The following ANKDD1A variants were observed in gnomAD, a reference collection of about 807,000 sequenced individuals.
ANKDD1A encodes ankyrin repeat and death domain-containing protein 1A.
In ANKDD1A, 59 loss-of-function variants were observed where a neutral mutation model predicts 63.5. That is an observed-to-expected ratio of 0.93 (90% CI 0.75 to 1.15). The LOEUF (loss-of-function observed/expected upper bound fraction) is 1.15, where lower values mean the gene tolerates loss of function less well. Ranked by LOEUF, ANKDD1A falls within the 50% of genes most tolerant of loss-of-function variation. The pLI is 0.00. For missense variants in ANKDD1A, 632 were observed against 656.4 expected (o/e 0.96, Z 0.41); for synonymous variants, 266 against 263.9 (o/e 1.01, Z -0.08).
At chr15:64,950,811 C>T (rs368960117) in intron 14 of ANKDD1A, 113 of 1,045,178 alleles carry the variant, frequency 1.1e-4, no homozygotes, top group Non-Finnish European at 1.2e-4. Context: ...AGATTAGGGA[C>T]GCTACCTTTC....
At chr15:64,930,989 C>T (rs1330666048) in intron 7 of ANKDD1A, 69 bp downstream of exon 7, 1 of 1,503,664 alleles carries the variant, frequency 6.7e-7, no homozygotes, top group Non-Finnish European at 9.0e-7. Context: ...GGAACCCCCA[C>T]CAGTCCATGG....
intron 14 of ANKDD1A, chr15:64,950,951 C>T: frequency 2.4e-6 from 3 of 1,270,298 alleles, no homozygotes; most frequent in Non-Finnish European, 3.1e-6. Flanking sequence ...TTGTTTTTAA[C>T]AGAAAATATC....
At chr15:64,949,798 T>C in intron 13 of ANKDD1A, 43 bp from the exon 14 acceptor site, 1 of 1,592,016 alleles carries the variant, frequency 6.3e-7, no homozygotes, top group Non-Finnish European at 8.5e-7. Context: ...AGTGGCCCCA[T>C]TGGCTCCTTC....
Position 64,915,833 on chromosome 15 carries a change from G to T in ANKDD1A, c.71G>T (p.Arg24Leu). The change falls in exon 2 of 15, where the codon CGC becomes CTC. Residue 24 changes from arginine (R) to leucine (L), a missense_variant. Coordinates refer to ENST00000319580, the MANE Select transcript of ANKDD1A (RefSeq NM_182703.6). Reference protein sequence around the residue: ...PLERQLHEAARQNNVGRMQEL... With the variant: ...PLERQLHEAALQNNVGRMQEL... ...GAGAGGCAGCTCCACGAGGCCGCCCGCCAGAACAATGTCGGCAGGATGCAG... is the reference window on the plus strand; with the variant it reads ...GAGAGGCAGCTCCACGAGGCCGCCCTCCAGAACAATGTCGGCAGGATGCAG... 6.2e-7 allele frequency: 1 copy of T among 1,614,022 alleles called. No homozygotes were observed.
In ANKDD1A at chr15:64,954,402, TTCC is replaced by T. The variant is rs574410743; in HGVS notation, c.1484-2698_1484-2696del. 4.5e-3 allele frequency among the ~76,000 whole-genome samples: 679 copies of T among 149,710 alleles called. 2 individuals carry two copies. The highest frequency in any genetic ancestry group is 7.1e-3 in the Non-Finnish European group (482 of 67,462). Reference sequence around the variant, plus strand: ...TTCTTTTCTTCTTCTTTCTTCTTCCTTCCTCTTCTTCCTCCTCTCCTCCTTCGT... The same window carrying T: ...TTCTTTTCTTCTTCTTTCTTCTTCCTTCTTCTTCCTCCTCTCCTCCTTCGT... On this transcript the variant is annotated intron_variant, in intron 14 of 14. Transcript: ENST00000319580.
At chr15:64,916,695 G>A (rs1206616515) in intron 2 of ANKDD1A, among the ~76,000 whole-genome samples, 4 of 152,220 alleles carry the variant, frequency 2.6e-5, no homozygotes, top group Non-Finnish European at 5.9e-5. Context: ...ATGGGCAGAA[G>A]CCCTGAGGTA....
chr15:64,947,471 A>G lies in ANKDD1A; in HGVS notation c.1229A>G (p.Gln410Arg), dbSNP rs375801341. The change falls in exon 13 of 15, where the codon CAG (glutamine) becomes CGG (arginine). Residue 410 changes from glutamine (Q) to arginine (R), a missense_variant. Physicochemically the swap from Gln to Arg is conservative, Grantham distance 43 (BLOSUM62 1). Coordinates refer to ENST00000319580, the MANE Select transcript of ANKDD1A (RefSeq NM_182703.6). ...CAGGACCATCGGCAGGAAACACAGC[A>G]GCTCCGTTCTGTGCTGTGGCGGCTG... ...FKQDHRQETQ[Q>R]LRSVLWRLAS... 5 of 1,614,176 alleles carry G rather than the reference A, an allele frequency of 3.1e-6. No individual in the cohort carries two copies. In the East Asian group the frequency reaches 8.9e-5, roughly 29 times the overall value.
At chr15:64,938,392 T>G (rs760892236) in intron 9 of ANKDD1A, among the ~76,000 whole-genome samples, 4 of 152,176 alleles carry the variant, frequency 2.6e-5, no homozygotes, top group Admixed American at 6.5e-5. Context: ...TATTTACCCT[T>G]GATAATGGTG....
chr15:64,944,237 A>AG (rs2085206761), intron 11 of ANKDD1A, among the ~76,000 whole-genome samples: 1 of 152,156 alleles, frequency 6.6e-6, no homozygotes. Context: ...ACTGTCTGGG[A>AG]GGCCTGGAGA....
chr15:64,952,192 T>TC (rs2085300966), intron 14 of ANKDD1A, among the ~76,000 whole-genome samples: 1 of 147,646 alleles, frequency 6.8e-6, no homozygotes, highest in Non-Finnish European at 1.5e-5. Context: ...TTCTACTTTT[T>TC]CTTCTTCTTC....
intron 3 of ANKDD1A, among the ~76,000 whole-genome samples, chr15:64,918,997 T>C (rs1326387023): frequency 6.6e-6 from 1 of 151,960 alleles, no homozygotes; most frequent in Non-Finnish European, 1.5e-5. Context: ...CAAATGGTAA[T>C]AAGTAACCTT....
At chr15:64,938,408 A>G (rs1473279300) in intron 9 of ANKDD1A, among the ~76,000 whole-genome samples, 1 of 152,220 alleles carries the variant, frequency 6.6e-6, no homozygotes, top group African/African-American at 2.4e-5. Flanking sequence ...TGGTGTGATG[A>G]AAATGATACT....
intron 14 of ANKDD1A, among the ~76,000 whole-genome samples, chr15:64,953,636 T>TA (rs2085352484): frequency 5.8e-4 from 3 of 5,190 alleles, no homozygotes; most frequent in Non-Finnish European, 4.3e-3. Flanking sequence ...TCTTCCTTCT[T>TA]CTTCCTCTTC....
chr15:64,942,763 T>G (rs1394035768), intron 10 of ANKDD1A, among the ~76,000 whole-genome samples, 198 bp downstream of exon 10: 1 of 152,090 alleles, frequency 6.6e-6, no homozygotes, highest in South Asian at 2.1e-4. Context: ...CTTTTGACAT[T>G]TGGGTGTTCC....
chr15:64,952,648 T>TCTTTCTTCTTCCTTCTCCTC (rs587634921), intron 14 of ANKDD1A, among the ~76,000 whole-genome samples: 127,800 of 141,696 alleles, frequency 0.9, 58,411 homozygotes, highest in East Asian at 0.99. Context: ...TTCTTCTCCT[T>TCTTTCTTCTTCCTTCTCCTC]CTCCTTCTTC....
intron 14 of ANKDD1A, chr15:64,950,885 A>G (rs978379026): frequency 6.8e-5 from 81 of 1,196,444 alleles, no homozygotes; most frequent in Middle Eastern, 4.6e-4. Flanking sequence ...GCATGCAATT[A>G]AAACATAAAA....
In ANKDD1A at chr15:64,931,556, G is replaced by A; in HGVS notation, c.739G>A (p.Ala247Thr). Reference sequence around the variant, plus strand: ...TGACTGTGTGCAGCTCCTCCTCAGGGCTGGGAGCACCGTGAATGCCCTCAC... The same window carrying A: ...TGACTGTGTGCAGCTCCTCCTCAGGACTGGGAGCACCGTGAATGCCCTCAC... The part of the protein sequence containing the change: ...HPDCVQLLLR[A>T]GSTVNALTQK... Residue 247 changes from alanine to threonine, a missense_variant, in exon 8 of 15, where the codon GCT becomes ACT. Physicochemically the swap from Ala to Thr is moderately conservative, Grantham distance 58. Transcript: ENST00000319580. 1 of 1,614,022 alleles carries A rather than the reference G, an allele frequency of 6.2e-7. No individual in the cohort carries two copies. Among genetic ancestry groups the A allele is most frequent in the Admixed American group, 1.7e-5 (1 of 60,018 alleles).
Position 64,958,236 on chromosome 15 carries a change from T to A in ANKDD1A, c.*1048T>A, listed in dbSNP as rs140701140. ...TGAAAGGTTCTGTATGACACTGTGA[T>A]GGTGGGTACATGACATTGGGCATTG... On this transcript the variant is annotated 3_prime_UTR_variant, in exon 15 of 15. Coordinates refer to ENST00000319580, the MANE Select transcript of ANKDD1A (RefSeq NM_182703.6). 5.2e-5 allele frequency: 8 copies of A among 152,388 alleles called. No homozygotes were observed. Among genetic ancestry groups the A allele is most frequent in the African/African-American group, 1.9e-4 (8 of 41,582 alleles). The allele number at this position is 152,388 out of a possible 1,614,324, so 9.4% of individuals were successfully genotyped here. A position where few individuals can be genotyped will look rare whatever the true frequency, so the allele number is the denominator to read the frequency against.
intron 6 of ANKDD1A, among the ~76,000 whole-genome samples, chr15:64,929,129 G>A (rs1200076665): frequency 1.3e-5 from 2 of 152,228 alleles, no homozygotes; most frequent in African/African-American, 4.8e-5. Flanking sequence ...AAACAAAGCT[G>A]TTGAGGGCTT....
Sources: gnomAD v4.1 joint callset for allele counts (sites outside exome capture counted in the v4.1 genomes callset) on GRCh38, gnomAD v4.1.1 for gene constraint, MANE v1.5 for transcripts, NCBI Gene and HGNC (gene_info 2026-07-23, HGNC 2026-07-21) for gene names.